SETD5: variants seen among roughly 807,000 people sequenced by gnomAD.
SETD5 encodes histone-lysine N-methyltransferase SETD5.
SETD5 carries 44 observed loss-of-function variants against 153.3 expected under a neutral mutation model. The ratio of observed to expected loss-of-function variants is 0.29; its 90% CI spans 0.23 to 0.37. SETD5 has a LOEUF of 0.37. Among genes scored for constraint, SETD5 ranks in the 10% least tolerant of loss-of-function variants. The probability of loss-of-function intolerance (pLI) is 1.00; values close to 1 mark genes in which losing one functional copy is unlikely to be tolerated. For synonymous variants in SETD5, 716 were observed against 645.2 expected (o/e 1.11, Z -1.66); for missense variants, 1,544 against 1,768.0 (o/e 0.87, Z 2.27).
chr3:9,417,530 G>T (rs1325151635), intron 1 of SETD5, among the ~76,000 whole-genome samples: 1 of 149,816 alleles, frequency 6.7e-6, no homozygotes, highest in Non-Finnish European at 1.5e-5. Context: ...CTATCGCCCA[G>T]GCTGGAGTGC....
chr3:9,474,800 CT>C, intron 21 of SETD5: 2 of 645,344 alleles, frequency 3.1e-6, no homozygotes. Flanking sequence ...CAAGGAATAC[CT>C]TTCTGTAACT....
At chr3:9,456,746 G>A (rs1038093534) in intron 17 of SETD5, among the ~76,000 whole-genome samples, 1 of 152,022 alleles carries the variant, frequency 6.6e-6, no homozygotes, top group Non-Finnish European at 1.5e-5. Flanking sequence ...AGGCTGAGGC[G>A]GGCAGATCAC....
chr3:9,407,559 C>G (rs1478945706), intron 1 of SETD5, among the ~76,000 whole-genome samples: 1 of 152,126 alleles, frequency 6.6e-6, no homozygotes, highest in Non-Finnish European at 1.5e-5. Flanking sequence ...CATGAAATGA[C>G]TATGCCAGCC....
Position 9,428,910 on chromosome 3 carries a change from G to C in SETD5, c.-29G>C. 1 of 1,596,068 alleles carries C rather than the reference G, an allele frequency of 6.3e-7. No homozygotes were observed. On this transcript the variant is annotated 5_prime_UTR_variant, in exon 3 of 23. It removes the in-frame stop codon of an upstream open reading frame in the 5' UTR. Coordinates refer to ENST00000402198, the MANE Select transcript of SETD5 (RefSeq NM_001080517.3). ...TCAGTCTCCATTAATTGGACCCCGT[G>C]ATTTCCAATCTCTGCTGTGTTGGAC...
chr3:9,411,851 A>G (rs2036616119), intron 1 of SETD5, among the ~76,000 whole-genome samples: 1 of 152,198 alleles, frequency 6.6e-6, no homozygotes, highest in Non-Finnish European at 1.5e-5. Context: ...AAAAGAACCA[A>G]CTGTTAACAA....
intron 17 of SETD5, among the ~76,000 whole-genome samples, chr3:9,460,543 C>G (rs548243823): frequency 5.3e-5 from 8 of 151,694 alleles, no homozygotes; most frequent in African/African-American, 1.9e-4. Flanking sequence ...TGGAATTTCC[C>G]TAACAATTTT....
intron 3 of SETD5, chr3:9,433,584 G>T (rs2040215558): frequency 2.3e-6 from 3 of 1,284,922 alleles, no homozygotes; most frequent in Non-Finnish European, 3.0e-6. Context: ...TTTGTCATTA[G>T]GGACACCTTG....
At chr3:9,411,125 G>A (rs2036511895) in intron 1 of SETD5, among the ~76,000 whole-genome samples, 2 of 151,962 alleles carry the variant, frequency 1.3e-5, no homozygotes, top group African/African-American at 4.8e-5. Flanking sequence ...CTAACTTCAG[G>A]TGAGCCACCG....
chr3:9,443,225 T>A (rs1272475214), intron 10 of SETD5, 83 bp from the exon 11 acceptor site: 2 of 963,360 alleles, frequency 2.1e-6, no homozygotes, highest in Admixed American at 2.1e-5. Context: ...TAACTCCAAA[T>A]GGAGAGAAAG....
chr3:9,441,771 G>C, intron 9 of SETD5, 30 bp downstream of exon 9: 4 of 1,613,622 alleles, frequency 2.5e-6, no homozygotes, highest in Non-Finnish European at 3.4e-6. Flanking sequence ...AGCAGTGAGG[G>C]CTAAGGTGGA....
At chr3:9,409,708 G>A (rs1030028658) in intron 1 of SETD5, among the ~76,000 whole-genome samples, 2 of 152,074 alleles carry the variant, frequency 1.3e-5, no homozygotes, top group African/African-American at 4.8e-5. Context: ...CTTGGTTTGG[G>A]CCTTGTTTCT....
chr3:9,444,947 C>G, intron 11 of SETD5, 101 bp from the exon 12 acceptor site: 1 of 1,424,184 alleles, frequency 7.0e-7, no homozygotes, highest in Non-Finnish European at 9.5e-7. Context: ...GAGACAATAT[C>G]AGAGGAAGTT....
chr3:9,463,214 G>A (rs1390535842), intron 17 of SETD5, among the ~76,000 whole-genome samples: 2 of 152,070 alleles, frequency 1.3e-5, no homozygotes, highest in East Asian at 1.9e-4. Context: ...GTAGAGACAG[G>A]GTTTTGCCAT....
intron 11 of SETD5, 63 bp from the exon 12 acceptor site, chr3:9,444,985 T>G: frequency 1.3e-6 from 2 of 1,564,736 alleles, no homozygotes; most frequent in Non-Finnish European, 1.7e-6. Flanking sequence ...AGAGGGTGAA[T>G]GGATAATGTA....
rs191899602 is a variant in SETD5 at position 9,403,143 on chromosome 3, G to T, written c.-177+5166G>T. On this transcript the variant is annotated intron_variant, in intron 1 of 22. Transcript: ENST00000402198. Reference sequence around the variant, plus strand: ...TTATTCAGTTTGGCATACAATTAAAGAAATCATTTTTAGTTCCCACTCAAG... The same window carrying T: ...TTATTCAGTTTGGCATACAATTAAATAAATCATTTTTAGTTCCCACTCAAG... Among the ~76,000 whole-genome samples, 28 of 152,198 alleles carry T rather than the reference G, an allele frequency of 1.8e-4. 1 individual carries two copies. In the East Asian group the frequency reaches 4.6e-3, roughly 25 times the overall value.
At chr3:9,445,857 T>C (rs577659174) in intron 13 of SETD5, 117 bp downstream of exon 13, 2 of 573,352 alleles carry the variant, frequency 3.5e-6, no homozygotes, top group Admixed American at 3.8e-5. Flanking sequence ...AGGTTATAAT[T>C]TGGGCTTTTT....
At chr3:9,419,399 T>C (rs572036278) in intron 1 of SETD5, among the ~76,000 whole-genome samples, 2 of 152,176 alleles carry the variant, frequency 1.3e-5, no homozygotes, top group East Asian at 3.9e-4. Flanking sequence ...ATAGCACCAA[T>C]TGGTACTTAA....
rs2045900067 is a variant in SETD5 at position 9,477,228 on chromosome 3, T to A, written c.*1137T>A. The A allele has an allele frequency of 6.6e-6, 1 of 152,634 alleles. No homozygotes were observed. Among genetic ancestry groups the A allele is most frequent in the Non-Finnish European group, 1.5e-5 (1 of 68,070 alleles). The allele number at this position is 152,634 out of a possible 1,614,324, so 9.5% of individuals were successfully genotyped here. On this transcript the variant is annotated 3_prime_UTR_variant, in exon 23 of 23. Transcript: ENST00000402198. ...CCCTAACACTGTTCTGGATGAGAGA[T>A]GAGAGCAGACCGGCTTCTCCCCATC...
intron 10 of SETD5, 82 bp downstream of exon 10, chr3:9,442,327 C>G (rs763703395): frequency 1.0e-5 from 10 of 963,002 alleles, no homozygotes; most frequent in Non-Finnish European, 1.5e-5. Context: ...AAACTTCACT[C>G]AGATAAAGGT....
Sources: gnomAD v4.1 joint callset for allele counts (sites outside exome capture counted in the v4.1 genomes callset) on GRCh38, gnomAD v4.1.1 for gene constraint, MANE v1.5 for transcripts, NCBI Gene and HGNC (gene_info 2026-07-23, HGNC 2026-07-21) for gene names.